PFKFB3: variants seen among roughly 807,000 people sequenced by gnomAD.
PFKFB3 encodes 6-phosphofructo-2-kinase/fructose-2,6-bisphosphatase 3.
In PFKFB3, 33 loss-of-function variants were observed where a neutral mutation model predicts 68.0. The ratio of observed to expected loss-of-function variants is 0.49; its 90% confidence interval spans 0.37 to 0.65. PFKFB3 has a LOEUF of 0.65. Ranked by LOEUF, PFKFB3 falls within the 30% of genes least tolerant of loss-of-function variation. The pLI is 0.00. For missense variants in PFKFB3, 586 were observed against 712.2 expected (o/e 0.82, Z 2.02); for synonymous variants, 315 against 288.2 (o/e 1.09, Z -0.94).
intron 14 of PFKFB3, among the ~76,000 whole-genome samples, chr10:6,246,289 T>C (rs1166130796): frequency 6.6e-6 from 1 of 151,898 alleles, no homozygotes; most frequent in Non-Finnish European, 1.5e-5. Context: ...ATTTATTTAT[T>C]TTTTTCTTGA....
At chr10:6,304,613 G>C in the PFKFB3 span, among the ~76,000 whole-genome samples, 50 of 150,534 alleles carry the variant, frequency 3.3e-4, no homozygotes, top group Middle Eastern at 6.8e-3. Context: ...TGCCCTCCTC[G>C]ACCTCCCAAA....
At chr10:6,319,924 C>A in the PFKFB3 span, among the ~76,000 whole-genome samples, 2 of 152,160 alleles carry the variant, frequency 1.3e-5, no homozygotes, top group Admixed American at 6.5e-5. Flanking sequence ...CCTGGCCAGG[C>A]GCAGTGGCAC....
upstream of PFKFB3, chr10:6,202,666 A>G (rs1268012178): frequency 6.4e-6 from 1 of 156,622 alleles, no homozygotes; most frequent in East Asian, 1.9e-4. Flanking sequence ...AGACGTCCCG[A>G]GGGGACAACG....
rs537793160 is a variant in PFKFB3 at position 6,206,733 on chromosome 10, C to T, written c.76+3397C>T. ...CCTCACTGCCTAGATGGGATGGCGG[C>T]CAGGAAGAGGCGCTCCTCACTTTCC... On this transcript the variant is annotated intron_variant, in intron 1 of 14. Coordinates refer to ENST00000379775, the MANE Select transcript of PFKFB3 (RefSeq NM_004566.4). Among the ~76,000 whole-genome samples the T allele has an allele frequency of 2.7e-5, 4 of 147,566 alleles. No homozygotes were observed. In the East Asian group the frequency reaches 8.0e-4, roughly 29 times the overall value.
chr10:6,216,960 G>A (rs778952201), intron 5 of PFKFB3, among the ~76,000 whole-genome samples, 175 bp from the exon 6 acceptor site: 2 of 152,164 alleles, frequency 1.3e-5, no homozygotes, highest in Non-Finnish European at 2.9e-5. Flanking sequence ...TGTGTGGTAG[G>A]GCTCTTGGGG....
At position 6,154,002 on chromosome 10, in the gene PFKFB3, T is replaced by G. The variant is rs1299339062; in HGVS notation, c.16+8989T>G. Reference sequence around the variant, plus strand: ...TGAGGCAGCAGACAGTACCATTAGCTCAGGAGCATGTCCAAATAGGGAAGT... The same window carrying G: ...TGAGGCAGCAGACAGTACCATTAGCGCAGGAGCATGTCCAAATAGGGAAGT... On this transcript the variant is annotated intron_variant, in intron 1 of 14. Coordinates refer to the PFKFB3 transcript ENST00000379789. The surrounding 1 kb of genome is among the most constrained non-coding windows in gnomAD (Gnocchi z 4.6). Among the ~76,000 whole-genome samples, 1 of 152,050 alleles carries G rather than the reference T, an allele frequency of 6.6e-6. No homozygotes were observed. The highest frequency in any genetic ancestry group is 2.4e-5 in the African/African-American group (1 of 41,376).
the PFKFB3 span, among the ~76,000 whole-genome samples, chr10:6,325,448 ATTG>A: frequency 1.3e-5 from 2 of 152,188 alleles, no homozygotes; most frequent in South Asian, 4.1e-4. Context: ...TTGAATGCAT[ATTG>A]TTATGTTGTT....
At chr10:6,326,370 A>T in the PFKFB3 span, among the ~76,000 whole-genome samples, 2,564 of 152,238 alleles carry the variant, frequency 0.017, 68 homozygotes, top group African/African-American at 0.059. Flanking sequence ...GGTTGATAGG[A>T]GCAGCAAACC....
intron 1 of PFKFB3, among the ~76,000 whole-genome samples, chr10:6,205,387 CCT>C (rs1564617698): frequency 1.5e-5 from 1 of 67,804 alleles, no homozygotes; most frequent in East Asian, 5.3e-4. Context: ...TTTCTTTCTT[CCT>C]TTTTTTTTTT....
chr10:6,215,372 G>A lies in PFKFB3; in HGVS notation c.299+55G>A. On this transcript the variant is annotated intron_variant, in intron 3 of 14. Transcript: ENST00000379775. This position sits in a 1 kb window ranked among gnomAD's most constrained non-coding sequence, Gnocchi z 4.3. ...GCTGTGGGAATAAGGCTGGGCCGCG[G>A]GCATAAGGCTGGGCTGCAGGAGTAA... The A allele has an allele frequency of 7.3e-7, 1 of 1,376,604 alleles. No homozygotes were observed. The highest frequency in any genetic ancestry group is 1.0e-6 in the Non-Finnish European group (1 of 971,188). The allele number at this position is 1,376,604 out of a possible 1,614,324, so 85.3% of individuals were successfully genotyped here.
intron 1 of PFKFB3, among the ~76,000 whole-genome samples, chr10:6,186,061 G>C (rs1426978401): frequency 6.6e-6 from 1 of 152,168 alleles, no homozygotes; most frequent in Non-Finnish European, 1.5e-5. Flanking sequence ...GTCAGAGATA[G>C]AGCAAGGCCA....
chr10:6,146,559 C>T (rs1841395825), intron 1 of PFKFB3: 2 of 1,451,040 alleles, frequency 1.4e-6, no homozygotes, highest in Non-Finnish European at 9.3e-7. Context: ...CCCTCCCCCC[C>T]TACTCATTAA....
chr10:6,170,307 C>T (rs1470545627), intron 1 of PFKFB3, among the ~76,000 whole-genome samples: 1 of 152,162 alleles, frequency 6.6e-6, no homozygotes, highest in African/African-American at 2.4e-5. Flanking sequence ...CGAGAGAGAA[C>T]GCTAATTGCT....
At chr10:6,277,218 TC>T in the PFKFB3 span, among the ~76,000 whole-genome samples, 1 of 151,794 alleles carries the variant, frequency 6.6e-6, no homozygotes, top group Non-Finnish European at 1.5e-5. Context: ...TTTCTTTCTT[TC>T]TTTTTTCTTT....
chr10:6,220,676 G>A lies in PFKFB3; in HGVS notation c.642G>A (p.Lys214=). ...DKCDRDLSLI[K]VIDVGRRFLV... ...TCTGCAGGGACTTGTCGCTGATCAA[G>A]GTGATTGACGTGGGCCGGAGGTTCC... Residue 214 remains lysine, a synonymous_variant, in exon 8 of 15, where the codon AAG becomes AAA. Coordinates refer to ENST00000379775, the MANE Select transcript of PFKFB3 (RefSeq NM_004566.4). The surrounding 1 kb of genome is among the most constrained non-coding windows in gnomAD (Gnocchi z 4.1). 6.2e-7 allele frequency: 1 copy of A among 1,614,026 alleles called. No individual in the cohort carries two copies. The highest frequency in any genetic ancestry group is 8.5e-7 in the Non-Finnish European group (1 of 1,180,030).
At chr10:6,146,379 A>G (rs778814373) in intron 1 of PFKFB3, 1 of 1,535,110 alleles carries the variant, frequency 6.5e-7, no homozygotes, top group Middle Eastern at 1.7e-4. Context: ...GGGTAGAGAG[A>G]TGGGGGAGGG....
chr10:6,224,893 A>C (rs1564638899), intron 13 of PFKFB3, among the ~76,000 whole-genome samples: 1 of 151,560 alleles, frequency 6.6e-6, no homozygotes, highest in African/African-American at 2.4e-5. Flanking sequence ...CAGGATCAGC[A>C]GGTCAGCGCC....
chr10:6,225,210 G>C (rs766926467), intron 13 of PFKFB3: 42 of 456,186 alleles, frequency 9.2e-5, no homozygotes, highest in Admixed American at 1.9e-4. Flanking sequence ...CTTTCTCTTA[G>C]ACCGAGCGTG....
chr10:6,315,428 T>G, the PFKFB3 span, among the ~76,000 whole-genome samples: 1 of 152,212 alleles, frequency 6.6e-6, no homozygotes, highest in Non-Finnish European at 1.5e-5. Context: ...ATTCTAGAGC[T>G]GCATGATTAT....
Sources: gnomAD v4.1 joint callset for allele counts (sites outside exome capture counted in the v4.1 genomes callset) on GRCh38, gnomAD v4.1.1 for gene constraint, Gnocchi (gnomAD v3.1) non-coding constraint, MANE v1.5 for transcripts, NCBI Gene and HGNC (gene_info 2026-07-23, HGNC 2026-07-21) for gene names.